Variants in SMIM31 observed in about 807,000 individuals in gnomAD.
SMIM31 encodes human epithelial cell program regulator.
chr4:164,773,738 A>G (rs1240772221), intron 2 of SMIM31, among the ~76,000 whole-genome samples: 1 of 152,150 alleles, frequency 6.6e-6, no homozygotes, highest in East Asian at 1.9e-4. Context: ...TGTTTTGGGG[A>G]TAATAATAGT....
rs188828179 is a variant in SMIM31, at chr4:164,795,355, C to T, written c.113-5736C>T. On this transcript the variant is annotated intron_variant, in intron 2 of 2. Transcript: ENST00000507311. Reference sequence around the variant, plus strand: ...GGTGGATCACCTGAGGTCAGGAGTTCGAGGCCAGCCTGGCCAACATGGCAA... The same window carrying T: ...GGTGGATCACCTGAGGTCAGGAGTTTGAGGCCAGCCTGGCCAACATGGCAA... Among the ~76,000 whole-genome samples, 51 of 152,116 alleles carry T rather than the reference C, an allele frequency of 3.4e-4. No individual in the cohort carries two copies. In the East Asian group the frequency reaches 7.9e-3, roughly 24 times the overall value.
intron 2 of SMIM31, among the ~76,000 whole-genome samples, chr4:164,772,950 C>T (rs565219606): frequency 1.4e-5 from 2 of 148,106 alleles, no homozygotes; most frequent in East Asian, 4.0e-4. Context: ...TAATCTCCAG[C>T]TTATAGGACT....
chr4:164,779,108 GT>G (rs200362602), intron 2 of SMIM31, among the ~76,000 whole-genome samples: 3,120 of 152,130 alleles, frequency 0.021, 92 homozygotes, highest in African/African-American at 0.07. Context: ...TAAATTAAAT[GT>G]CTTTTGGTCG....
intron 2 of SMIM31, among the ~76,000 whole-genome samples, chr4:164,778,060 T>C (rs528911458): frequency 6.6e-6 from 1 of 152,230 alleles, no homozygotes; most frequent in African/African-American, 2.4e-5. Flanking sequence ...ATCCCTACCG[T>C]TTTTTCAAAG....
intron 2 of SMIM31, among the ~76,000 whole-genome samples, chr4:164,777,813 T>C (rs1003058930): frequency 6.6e-6 from 1 of 152,190 alleles, no homozygotes; most frequent in African/African-American, 2.4e-5. Flanking sequence ...GGCTGGCAGA[T>C]CCCCAGTCCA....
chr4:164,770,750 T>G (rs1732789711), intron 2 of SMIM31, among the ~76,000 whole-genome samples, 195 bp downstream of exon 2: 1 of 152,178 alleles, frequency 6.6e-6, no homozygotes, highest in Admixed American at 6.5e-5. Context: ...TTACAATTTT[T>G]TAATGAGTTC....
intron 2 of SMIM31, among the ~76,000 whole-genome samples, chr4:164,782,598 C>CCCGA (rs1198076940): frequency 9.2e-6 from 1 of 108,886 alleles, no homozygotes; most frequent in African/African-American, 1.4e-4. Flanking sequence ...CCAGGATGGT[C>CCCGA]TCGTGAGCCA....
chr4:164,772,585 A>ATTATT (rs1553965347), intron 2 of SMIM31, among the ~76,000 whole-genome samples: 1 of 142,698 alleles, frequency 7.0e-6, no homozygotes, highest in African/African-American at 2.6e-5. Context: ...TTTTTATTTT[A>ATTATT]TTTTTTTTTT....
rs146626134 is a variant in SMIM31 at position 164,788,191 on chromosome 4, C to G, written c.113-12900C>G. Among the ~76,000 whole-genome samples the G allele has an allele frequency of 1.7e-3, 263 of 152,256 alleles. 1 individual carries two copies. The highest frequency in any genetic ancestry group is 5.9e-3 in the African/African-American group (245 of 41,560). On this transcript the variant is annotated intron_variant, in intron 2 of 2. Coordinates refer to ENST00000507311, the MANE Select transcript of SMIM31 (RefSeq NM_001352885.1). ...TGTTTTTAATGCTATGTAATAATTA[C>G]GTTTCAGAAAAGTAGAGAGCTGAGG...
In SMIM31 at chr4:164,802,871, G is replaced by A. The variant is rs1021629078; in HGVS notation, c.*1677G>A. On this transcript the variant is annotated 3_prime_UTR_variant, in exon 3 of 3. Coordinates refer to ENST00000507311, the MANE Select transcript of SMIM31 (RefSeq NM_001352885.1). ...TTAAAAGGGCTCACTAAGTTAGAGA[G>A]GACAGAGAATGGGCTTTGGAGATGA... 6.6e-6 allele frequency: 1 copy of A among 152,236 alleles called. No individual in the cohort carries two copies. 9.4% of individuals were successfully genotyped at this position (152,236 alleles called of 1,614,324 possible). A position where few individuals can be genotyped will look rare whatever the true frequency, so the allele number is the denominator to read the frequency against.
chr4:164,801,372 G>T lies in SMIM31; in HGVS notation c.*178G>T, dbSNP rs1733281597. ...ACTCGGGAAAGGCTTCACATTTCTGGGACTCAGCATTATCCAAAATATCTA... is the reference window on the plus strand; with the variant it reads ...ACTCGGGAAAGGCTTCACATTTCTGTGACTCAGCATTATCCAAAATATCTA... On this transcript the variant is annotated 3_prime_UTR_variant, in exon 3 of 3. Coordinates refer to ENST00000507311, the MANE Select transcript of SMIM31 (RefSeq NM_001352885.1). The T allele has an allele frequency of 2.6e-6, 1 of 381,084 alleles. No homozygotes were observed. The highest frequency in any genetic ancestry group is 4.5e-5 in the Admixed American group (1 of 22,188). The allele number at this position is 381,084 out of a possible 1,614,324, so 23.6% of individuals were successfully genotyped here. A position where few individuals can be genotyped will look rare whatever the true frequency, so the allele number is the denominator to read the frequency against.
At chr4:164,788,756 G>C (rs916954669) in intron 2 of SMIM31, among the ~76,000 whole-genome samples, 1 of 151,880 alleles carries the variant, frequency 6.6e-6, no homozygotes. Context: ...AAAGTGCTGG[G>C]ATTACAGGCG....
chr4:164,768,986 G>A (rs947079372), intron 1 of SMIM31, among the ~76,000 whole-genome samples: 3 of 152,206 alleles, frequency 2.0e-5, no homozygotes, highest in Middle Eastern at 3.4e-3. Flanking sequence ...ATGATTCTGG[G>A]AGCCTCTTTT....
intron 1 of SMIM31, among the ~76,000 whole-genome samples, chr4:164,755,536 GAGA>G (rs1732548243): frequency 1.7e-5 from 1 of 58,936 alleles, no homozygotes; most frequent in African/African-American, 8.5e-5. Flanking sequence ...GGAGGGAGAG[GAGA>G]GGAGGGGAGG....
intron 2 of SMIM31, among the ~76,000 whole-genome samples, chr4:164,783,417 G>C (rs1045097803): frequency 1.3e-5 from 2 of 150,826 alleles, no homozygotes; most frequent in Non-Finnish European, 3.0e-5. Context: ...CCAGCTTCTC[G>C]GGAGGCTGAG....
At chr4:164,769,761 C>G (rs1372201192) in intron 1 of SMIM31, among the ~76,000 whole-genome samples, 1 of 150,900 alleles carries the variant, frequency 6.6e-6, no homozygotes, top group Non-Finnish European at 1.5e-5. Flanking sequence ...AAAAAAACTC[C>G]TCTCCAATCA....
chr4:164,793,379 C>G (rs1359894078), intron 2 of SMIM31, among the ~76,000 whole-genome samples: 1 of 152,004 alleles, frequency 6.6e-6, no homozygotes, highest in Non-Finnish European at 1.5e-5. Context: ...AATTATGAAA[C>G]AAAAAAACTA....
chr4:164,773,064 ACTT>A (rs1446937902), intron 2 of SMIM31, among the ~76,000 whole-genome samples: 39 of 144,586 alleles, frequency 2.7e-4, no homozygotes, highest in African/African-American at 9.4e-4. Context: ...AAGCATATAT[ACTT>A]CTCTTTCTTT....
In SMIM31 at chr4:164,758,622, C is replaced by CTTTTTTTTTTTTTTTTTTTTTT. The variant is rs779023276; in HGVS notation, c.-26+4218_-26+4219insTTTTTTTTTTTTTTTTTTTTTT. On this transcript the variant is annotated intron_variant, in intron 1 of 2. Coordinates refer to ENST00000507311, the MANE Select transcript of SMIM31 (RefSeq NM_001352885.1). ...GGAAATGACCATATATGTAGTTTTC[C>CTTTTTTTTTTTTTTTTTTTTTT]TTTTTTTGTTTTTTTTTTTTTTTTT... Among the ~76,000 whole-genome samples the CTTTTTTTTTTTTTTTTTTTTTT allele has an allele frequency of 1.1e-4, 12 of 105,390 alleles. 1 individual carries two copies. The highest frequency in any genetic ancestry group is 1.8e-4 in the Non-Finnish European group (9 of 51,334). The allele number at this position is 105,390 out of a possible 152,430, so 69.1% of individuals were successfully genotyped here.
Sources: gnomAD v4.1 joint callset for allele counts (sites outside exome capture counted in the v4.1 genomes callset) on GRCh38, gnomAD v4.1.1 for gene constraint, MANE v1.5 for transcripts, NCBI Gene and HGNC (gene_info 2026-07-23, HGNC 2026-07-21) for gene names.